FRMD4B: variants seen among roughly 807,000 people sequenced by gnomAD.
The protein encoded by FRMD4B is FERM domain-containing protein 4B.
FRMD4B carries 74 observed loss-of-function variants against 141.5 expected under a neutral mutation model. The observed-to-expected ratio is 0.52, with a 90% CI of 0.43 to 0.63. The LOEUF (loss-of-function observed/expected upper bound fraction) is 0.63, where lower values mean the gene tolerates loss of function less well. Among genes scored for constraint, FRMD4B ranks in the 30% least tolerant of loss-of-function variants. FRMD4B has a pLI of 0.00. For missense variants in FRMD4B, 1,366 were observed against 1,253.4 expected (o/e 1.09, Z -1.36); for synonymous variants, 506 against 467.9 (o/e 1.08, Z -1.05).
chr3:69,533,164 G>A (rs17006074), intron 1 of FRMD4B, among the ~76,000 whole-genome samples: 2,701 of 152,306 alleles, frequency 0.018, 77 homozygotes, highest in East Asian at 0.12. Flanking sequence ...AACTTTGGAT[G>A]CTTGTTCAGG....
chr3:69,296,075 A>T (rs962125992), intron 4 of FRMD4B, among the ~76,000 whole-genome samples: 1 of 152,100 alleles, frequency 6.6e-6, no homozygotes, highest in Non-Finnish European at 1.5e-5. Context: ...TTGGCCTCCC[A>T]AAGTGCTGAG....
intron 1 of FRMD4B, among the ~76,000 whole-genome samples, chr3:69,361,487 A>G (rs1487816191): frequency 6.6e-6 from 1 of 152,168 alleles, no homozygotes; most frequent in East Asian, 1.9e-4. Context: ...CTTTTCCAGA[A>G]AGCTACCTCT....
intron 1 of FRMD4B, among the ~76,000 whole-genome samples, chr3:69,506,797 G>A (rs911798695): frequency 3.3e-5 from 5 of 149,672 alleles, no homozygotes; most frequent in African/African-American, 1.2e-4. Context: ...TCCTGCCTTG[G>A]CCTCCTAATC....
At position 69,194,926 on chromosome 3, in the gene FRMD4B, C is replaced by G. The variant is rs775182656; in HGVS notation, c.1488+96G>C. 5 of 1,112,832 alleles carry G rather than the reference C, an allele frequency of 4.5e-6. No individual in the cohort carries two copies. In the Admixed American group the frequency reaches 8.5e-5, roughly 19 times the overall value. The allele number at this position is 1,112,832 out of a possible 1,614,324, so 68.9% of individuals were successfully genotyped here. A position where few individuals can be genotyped will look rare whatever the true frequency, so the allele number is the denominator to read the frequency against. On this transcript the variant is annotated intron_variant, in intron 16 of 22. Transcript: ENST00000398540. Reference sequence around the variant, plus strand: ...CCATCTGTACTGGTGAGATAACATACAGCAGAGACTCAAAAACCAAAGGAA... The same window carrying G: ...CCATCTGTACTGGTGAGATAACATAGAGCAGAGACTCAAAAACCAAAGGAA...
intron 1 of FRMD4B, among the ~76,000 whole-genome samples, chr3:69,317,160 G>T (rs1701828718): frequency 6.6e-6 from 1 of 152,164 alleles, no homozygotes; most frequent in Non-Finnish European, 1.5e-5. Flanking sequence ...TTTAGCAACA[G>T]ATAATTTTAT....
chr3:69,283,970 C>CAAAAAAAAAAAAA (rs146536193), intron 5 of FRMD4B, among the ~76,000 whole-genome samples: 50 of 137,488 alleles, frequency 3.6e-4, no homozygotes, highest in Non-Finnish European at 4.7e-4. Context: ...CAAAACAAAA[C>CAAAAAAAAAAAAA]AAAACAAAAA....
At chr3:69,223,330 A>G (rs2093216159) in intron 8 of FRMD4B, among the ~76,000 whole-genome samples, 1 of 152,172 alleles carries the variant, frequency 6.6e-6, no homozygotes, top group African/African-American at 2.4e-5. Flanking sequence ...CCTGGCCAAC[A>G]TGGTGAAACA....
chr3:69,500,923 C>T (rs1421851657), intron 1 of FRMD4B, among the ~76,000 whole-genome samples: 1 of 152,142 alleles, frequency 6.6e-6, no homozygotes, highest in Non-Finnish European at 1.5e-5. Flanking sequence ...AGCATTGTCT[C>T]TAAACATGTC....
intron 1 of FRMD4B, among the ~76,000 whole-genome samples, chr3:69,322,589 TCTCTC>T (rs1260386510): frequency 8.0e-6 from 1 of 125,290 alleles, no homozygotes; most frequent in Non-Finnish European, 1.8e-5. Context: ...GATTTTTCTC[TCTCTC>T]TTTTTTTTTT....
chr3:69,444,370 A>G (rs766188630), intron 1 of FRMD4B, among the ~76,000 whole-genome samples: 2 of 152,212 alleles, frequency 1.3e-5, no homozygotes, highest in Admixed American at 1.3e-4. Context: ...TCAAAATTGA[A>G]CTGAATTGAA....
chr3:69,264,591 A>C (rs760687269), intron 5 of FRMD4B, among the ~76,000 whole-genome samples: 17 of 152,194 alleles, frequency 1.1e-4, no homozygotes, highest in Non-Finnish European at 2.5e-4. Context: ...CAGCAATTCT[A>C]GATAAGCAAA....
chr3:69,359,747 C>G (rs1703421384), intron 1 of FRMD4B, among the ~76,000 whole-genome samples: 1 of 152,202 alleles, frequency 6.6e-6, no homozygotes, highest in South Asian at 2.1e-4. Context: ...AAGGCCATGA[C>G]TTTTGACTTG....
In FRMD4B at chr3:69,307,485, C is replaced by T. The variant is rs145358559; in HGVS notation, c.323+3778G>A. ...GTGCCTGAGTAGCTGGGATTACAGG[C>T]GCCCACCACCACGCCCAGCTAATTT... On this transcript the variant is annotated intron_variant, in intron 3 of 22. Coordinates refer to ENST00000398540, the MANE Select transcript of FRMD4B (RefSeq NM_015123.3). Among the ~76,000 whole-genome samples, 1,433 of 151,998 alleles carry T rather than the reference C, an allele frequency of 9.4e-3. 21 individuals are homozygous for T. The highest frequency in any genetic ancestry group is 0.032 in the African/African-American group (1,328 of 41,434).
chr3:69,246,733 C>G (rs116795334), intron 7 of FRMD4B, among the ~76,000 whole-genome samples: 2 of 152,186 alleles, frequency 1.3e-5, no homozygotes, highest in Non-Finnish European at 2.9e-5. Context: ...CACGCTCTCT[C>G]CACTACTTAG....
Position 69,196,914 on chromosome 3 carries a change from G to T in FRMD4B, c.1078C>A (p.Arg360=), listed in dbSNP as rs144459338. ...CAGTTACTTACTTTGCTTTGCTTCC[G>T]GTCCAAGTAAAACTGATGCTGACTA... ...AISQHQFYLD[R]KQSKAKIPSA... Residue 360 remains arginine (R), a synonymous_variant, in exon 13 of 23, where the codon CGG becomes AGG. Transcript: ENST00000398540. 6.2e-7 allele frequency: 1 copy of T among 1,610,356 alleles called. No homozygotes were observed. The highest frequency in any genetic ancestry group is 8.5e-7 in the Non-Finnish European group (1 of 1,177,106).
At chr3:69,530,043 T>C (rs989458460) in intron 1 of FRMD4B, among the ~76,000 whole-genome samples, 1 of 152,192 alleles carries the variant, frequency 6.6e-6, no homozygotes, top group Non-Finnish European at 1.5e-5. Flanking sequence ...CCAACATCTA[T>C]ACCCTGCTTG....
At chr3:69,447,010 G>A (rs949185625) in intron 1 of FRMD4B, among the ~76,000 whole-genome samples, 8 of 152,012 alleles carry the variant, frequency 5.3e-5, no homozygotes, top group Admixed American at 5.2e-4. Context: ...TTAATGCTAG[G>A]GAAATTTTGC....
At position 69,446,865 on chromosome 3, in the gene FRMD4B, T is replaced by C. The variant is rs574615165; in HGVS notation, c.-128-14104A>G. ...TCAGTCAAATGAAATTTAAGCCTCA[T>C]TGACAAGCTAAGATGACTCTTACAG... On this transcript the variant is annotated intron_variant, in intron 1 of 5. Coordinates refer to the FRMD4B transcript ENST00000459638. Among the ~76,000 whole-genome samples, 56 of 152,310 alleles carry C rather than the reference T, an allele frequency of 3.7e-4. No individual in the cohort carries two copies. The South Asian group carries it at 6.6e-3, about 18-fold the overall frequency.
chr3:69,474,028 C>G (rs1408055186), intron 1 of FRMD4B, among the ~76,000 whole-genome samples: 1 of 152,080 alleles, frequency 6.6e-6, no homozygotes, highest in African/African-American at 2.4e-5. Flanking sequence ...TTAGAGATGC[C>G]CTACCGTCAT....
Sources: gnomAD v4.1 joint callset for allele counts (sites outside exome capture counted in the v4.1 genomes callset) on GRCh38, gnomAD v4.1.1 for gene constraint, MANE v1.5 for transcripts, NCBI Gene and HGNC (gene_info 2026-07-23, HGNC 2026-07-21) for gene names.